The following CTNNA3 variants were observed in gnomAD, a reference collection of about 807,000 sequenced individuals.
CTNNA3 encodes the protein catenin alpha 3.
A neutral mutation model predicts 95.7 loss-of-function variants in CTNNA3; 76 were observed. That is an observed-to-expected ratio of 0.79 (90% CI 0.66 to 0.96). The LOEUF (loss-of-function observed/expected upper bound fraction) is 0.96. CTNNA3 is among the 40% of genes least tolerant of loss of function. CTNNA3 has a pLI of 0.00. For missense variants in CTNNA3, 1,191 were observed against 1,089.8 expected, an observed-to-expected ratio of 1.09 and a Z score of -1.31; for synonymous variants, 431 against 374.4, an observed-to-expected ratio of 1.15 and a Z score of -1.74.
intron 7 of CTNNA3, among the ~76,000 whole-genome samples, chr10:66,830,844 C>G (rs1039468631): frequency 2.0e-5 from 3 of 152,098 alleles, no homozygotes; most frequent in African/African-American, 7.2e-5. Context: ...CTCCTGACCT[C>G]GTGATCCGCC....
intron 9 of CTNNA3, among the ~76,000 whole-genome samples, chr10:66,760,564 C>A (rs1297139638): frequency 6.6e-6 from 1 of 152,124 alleles, no homozygotes; most frequent in African/African-American, 2.4e-5. Context: ...ATAATTTTCT[C>A]TTTTCTCCGA....
At chr10:66,929,353 G>C (rs985181503) in intron 7 of CTNNA3, among the ~76,000 whole-genome samples, 1 of 152,212 alleles carries the variant, frequency 6.6e-6, no homozygotes, top group Non-Finnish European at 1.5e-5. Context: ...ATGTGGTTGA[G>C]AGCTTACCAG....
At chr10:66,877,575 T>C (rs1011163092) in intron 7 of CTNNA3, among the ~76,000 whole-genome samples, 3 of 152,076 alleles carry the variant, frequency 2.0e-5, no homozygotes, top group Non-Finnish European at 2.9e-5. Flanking sequence ...TCTCTCACCA[T>C]TTATCTGTGA....
intron 4 of CTNNA3, among the ~76,000 whole-genome samples, chr10:67,531,320 A>G (rs1840320115): frequency 6.6e-6 from 1 of 152,198 alleles, no homozygotes; most frequent in Non-Finnish European, 1.5e-5. Flanking sequence ...GCCAGGAGGA[A>G]GGCTGTATCC....
intron 10 of CTNNA3, among the ~76,000 whole-genome samples, chr10:66,610,238 A>G (rs1193329411): frequency 7.5e-6 from 1 of 133,344 alleles, no homozygotes; most frequent in Non-Finnish European, 1.6e-5. Context: ...GTGTAAAAAT[A>G]CCCATGGGGG....
intron 15 of CTNNA3, among the ~76,000 whole-genome samples, chr10:66,009,856 C>G (rs1012869890): frequency 3.9e-5 from 6 of 152,328 alleles, no homozygotes; most frequent in East Asian, 1.9e-4. Flanking sequence ...AGTAGAGAGA[C>G]TAGCCATGGT....
chr10:66,320,577 G>T (rs1460731608), intron 12 of CTNNA3, among the ~76,000 whole-genome samples: 2 of 152,028 alleles, frequency 1.3e-5, no homozygotes, highest in African/African-American at 2.4e-5. Flanking sequence ...ACATTGACAG[G>T]TTGGCTGTCT....
intron 7 of CTNNA3, among the ~76,000 whole-genome samples, chr10:66,971,348 C>T (rs901512310): frequency 1.3e-5 from 2 of 152,098 alleles, no homozygotes; most frequent in Non-Finnish European, 1.5e-5. Context: ...ATCGCTTGAA[C>T]CCGGGAGGCG....
At chr10:66,593,111 G>A (rs1237561868) in intron 10 of CTNNA3, among the ~76,000 whole-genome samples, 3 of 152,126 alleles carry the variant, frequency 2.0e-5, no homozygotes, top group African/African-American at 7.2e-5. Flanking sequence ...TTTTCAATGT[G>A]TGGGGCTTTG....
At chr10:66,932,401 G>A (rs1847453918) in intron 7 of CTNNA3, among the ~76,000 whole-genome samples, 1 of 152,162 alleles carries the variant, frequency 6.6e-6, no homozygotes, top group African/African-American at 2.4e-5. Flanking sequence ...GATAAAGTGA[G>A]TTCCAGACAT....
At chr10:66,107,477 G>T (rs940722793) in intron 13 of CTNNA3, among the ~76,000 whole-genome samples, 15 of 152,050 alleles carry the variant, frequency 9.9e-5, no homozygotes, top group African/African-American at 3.6e-4. Flanking sequence ...CATTACTGTT[G>T]CTATCTCACT....
Position 66,481,461 on chromosome 10 carries a change from CTTTTTTTTTTTTTTTT to C in CTNNA3, c.1531+39140_1531+39155del, listed in dbSNP as rs148278459. 8.1e-4 allele frequency among the ~76,000 whole-genome samples: 59 copies of C among 73,240 alleles called. 3 individuals carry two copies. The highest frequency in any genetic ancestry group is 3.3e-3 in the African/African-American group (58 of 17,378). 48.0% of individuals were successfully genotyped at this position (73,240 alleles called of 152,430 possible). ...AAGCAAAAACCTTATTCCCTTGTTTCTTTTTTTTTTTTTTTTTTTTTTTTTTTTGAGACGGAGTCTC... is the reference window on the plus strand; with the variant it reads ...AAGCAAAAACCTTATTCCCTTGTTTCTTTTTTTTTTTTGAGACGGAGTCTC... On this transcript the variant is annotated intron_variant, in intron 11 of 17. Transcript: ENST00000433211.
intron 13 of CTNNA3, among the ~76,000 whole-genome samples, chr10:66,257,266 C>A (rs2090824521): frequency 6.6e-6 from 1 of 152,134 alleles, no homozygotes; most frequent in Non-Finnish European, 1.5e-5. Flanking sequence ...GATACAGGGG[C>A]CAGTTATTCA....
chr10:66,122,517 C>A (rs1157735177), intron 13 of CTNNA3, among the ~76,000 whole-genome samples: 1 of 151,948 alleles, frequency 6.6e-6, no homozygotes, highest in Admixed American at 6.6e-5. Flanking sequence ...GGGATAAATA[C>A]CAAGAAAGTA....
In CTNNA3 at chr10:67,295,274, T is replaced by C. The variant is rs201676796; in HGVS notation, c.580-75404A>G. On this transcript the variant is annotated intron_variant, in intron 5 of 17. Coordinates refer to ENST00000433211, the MANE Select transcript of CTNNA3 (RefSeq NM_013266.4). ...AATGAAAATACTCAAAAGAAAATTC[T>C]TTCTTAAAGGTCTCAGAAAGAAAGC... 3.3e-5 allele frequency among the ~76,000 whole-genome samples: 5 copies of C among 152,324 alleles called. No homozygotes were observed. In the East Asian group the frequency reaches 9.6e-4, roughly 29 times the overall value.
rs758975970 is a variant in CTNNA3 at position 66,280,558 on chromosome 10, T to C, written c.1796A>G (p.Asn599Ser). 6.2e-7 allele frequency: 1 copy of C among 1,609,752 alleles called. No individual in the cohort carries two copies. Among genetic ancestry groups the C allele is most frequent in the Admixed American group, 1.7e-5 (1 of 59,668 alleles). The change falls in exon 13 of 18, where the codon AAT becomes AGT. Residue 599 changes from asparagine (N) to serine (S), a missense_variant. Coordinates refer to ENST00000433211, the MANE Select transcript of CTNNA3 (RefSeq NM_013266.4). ...CACAAATTGATTATCATCCAACACA[T>C]TCAATGAGCTTTTGCTTAAGGCTTC... The part of the protein sequence containing the change: ...ALEALSKSSL[N>S]VLDDNQFVDI...
intron 13 of CTNNA3, among the ~76,000 whole-genome samples, chr10:66,210,251 A>G (rs1335804769): frequency 6.6e-6 from 1 of 151,582 alleles, no homozygotes; most frequent in Non-Finnish European, 1.5e-5. Flanking sequence ...CAGGACCTCA[A>G]CACACAGCTG....
intron 17 of CTNNA3, among the ~76,000 whole-genome samples, chr10:65,940,946 A>C (rs551037423): frequency 6.6e-6 from 1 of 152,336 alleles, no homozygotes; most frequent in South Asian, 2.1e-4. Context: ...ATTCTTGACC[A>C]TGCCAAAAGT....
chr10:67,121,981 C>CAA (rs370358378), intron 7 of CTNNA3, among the ~76,000 whole-genome samples: 1,831 of 47,044 alleles, frequency 0.039, 342 homozygotes, highest in African/African-American at 0.07. Flanking sequence ...TTATTCTGAG[C>CAA]AAAAAAAAAA....
Sources: allele counts gnomAD v4.1 joint callset (sites outside exome capture counted in the v4.1 genomes callset), GRCh38; gene constraint gnomAD v4.1.1; transcripts MANE v1.5; gene names NCBI Gene and HGNC (gene_info 2026-07-23, HGNC 2026-07-21).